Variants in USF1 observed in about 807,000 individuals in gnomAD.
The protein encoded by USF1 is upstream transcription factor 1.
Under a neutral mutation model 46.3 loss-of-function variants are expected in USF1, and 22 were observed. That is an observed-to-expected ratio of 0.47 (90% CI 0.34 to 0.68). The LOEUF is 0.68. Among genes scored for constraint, USF1 ranks in the 30% least tolerant of loss-of-function variants. The pLI is 0.01. For missense variants in USF1, 287 were observed against 399.3 expected, an observed-to-expected ratio of 0.72 and a Z score of 2.40; for synonymous variants, 150 against 147.0, an observed-to-expected ratio of 1.02 and a Z score of -0.15.
At chr1:161,041,469 G>C in intron 6 of USF1, 58 bp from the exon 7 acceptor site, 1 of 1,568,968 alleles carries the variant, frequency 6.4e-7, no homozygotes, top group Non-Finnish European at 8.7e-7. Context: ...ACCAAGCCCT[G>C]AGGTGAAGAC....
chr1:161,041,547 T>C, intron 6 of USF1, 104 bp downstream of exon 6: 1 of 1,495,612 alleles, frequency 6.7e-7, no homozygotes, highest in South Asian at 1.2e-5. Context: ...CCTGTCCAGG[T>C]CTTAATGATC....
rs1233156004 is a variant in USF1 at position 161,041,385 on chromosome 1, G to T, written c.499C>A (p.Gln167Lys). The change falls in exon 7 of 11, where the codon CAA (glutamine) becomes AAA (lysine). Residue 167 changes from glutamine (Q) to lysine (K), a missense_variant. Coordinates refer to ENST00000368021, the MANE Select transcript of USF1 (RefSeq NM_007122.5). ...TGQFFVMMSPQEVLQGGSQRS... is the reference protein window; with the variant it reads ...TGQFFVMMSPKEVLQGGSQRS... ...TGGCTTCCTCCCTGCAGTACTTCTTGTGGTGACATCATCACAAAGAATTGA... is the reference window on the plus strand; with the variant it reads ...TGGCTTCCTCCCTGCAGTACTTCTTTTGGTGACATCATCACAAAGAATTGA... The T allele has an allele frequency of 2.5e-6, 4 of 1,612,902 alleles. No homozygotes were observed. The highest frequency in any genetic ancestry group is 3.4e-6 in the Non-Finnish European group (4 of 1,179,608).
intron 1 of USF1, chr1:161,045,011 A>C (rs1009214665): frequency 3.0e-4 from 45 of 152,396 alleles, no homozygotes; most frequent in African/African-American, 1.1e-3. Context: ...GTACAGACGA[A>C]GTAACGCTGC....
In USF1 at chr1:161,041,953, G is replaced by A. The variant is rs1650583552; in HGVS notation, c.277-107C>T. 3 of 1,309,930 alleles carry A rather than the reference G, an allele frequency of 2.3e-6. No individual in the cohort carries two copies. The South Asian group carries it at 4.2e-5, about 18-fold the overall frequency. 81.1% of individuals were successfully genotyped at this position (1,309,930 alleles called of 1,614,324 possible). ...TGGGGTGGTAGGTAGGGTGGAGAGA[G>A]AGAGAGAGAGAGAGAGAAACATCCA... is the stretch of plus-strand genomic sequence containing the variant. On this transcript the variant is annotated intron_variant, in intron 5 of 10. Transcript: ENST00000368021.
chr1:161,042,868 G>A lies in USF1; in HGVS notation c.23C>T (p.Ala8Val). The A allele has an allele frequency of 1.2e-6, 2 of 1,614,176 alleles. No individual in the cohort carries two copies. The highest frequency in any genetic ancestry group is 1.7e-6 in the Non-Finnish European group (2 of 1,180,040). The change falls in exon 3 of 11, where the codon GCT becomes GTT. Residue 8 changes from alanine to valine, a missense_variant. Transcript: ENST00000368021. MKGQQKT[A>V]ETEEGTVQIQ... is the part of the protein sequence containing the mutation. ...CTGCACTGTCCCCTCTTCCGTTTCA[G>A]CTGTTTTCTGCTGCCTGTTTGTGGT...
rs1650451767 is a variant in USF1 at position 161,039,919 on chromosome 1, G to C, written c.*1C>G. The C allele has an allele frequency of 6.2e-7, 1 of 1,614,148 alleles. No homozygotes were observed. Among genetic ancestry groups the C allele is most frequent in the South Asian group, 1.1e-5 (1 of 91,082 alleles). ...GGCCCAAAGCCCCTGAATCCCCATAGTTAGTTGCTGTCATTCTTGATGACG... is the reference window on the plus strand; with the variant it reads ...GGCCCAAAGCCCCTGAATCCCCATACTTAGTTGCTGTCATTCTTGATGACG... On this transcript the variant is annotated 3_prime_UTR_variant, in exon 11 of 11. Coordinates refer to ENST00000368021, the MANE Select transcript of USF1 (RefSeq NM_007122.5).
In USF1 at chr1:161,040,437, A is replaced by G. The variant is rs944138616; in HGVS notation, c.715-107T>C. 18 of 1,574,724 alleles carry G rather than the reference A, an allele frequency of 1.1e-5. No homozygotes were observed. The highest frequency in any genetic ancestry group is 1.5e-5 in the Non-Finnish European group (17 of 1,157,434). The stretch of plus-strand genomic sequence containing the variant: ...CTCATTTTCATCTAAGGAAGGTGGT[A>G]TAATATCTCCCAGGGATACAGGAAC... On this transcript the variant is annotated intron_variant, in intron 9 of 10. Coordinates refer to ENST00000368021, the MANE Select transcript of USF1 (RefSeq NM_007122.5). This position sits in a 1 kb window ranked among gnomAD's most constrained non-coding sequence, Gnocchi z 4.0.
Position 161,039,888 on chromosome 1 carries a change from T to C in USF1, c.*32A>G. 1 of 1,611,968 alleles carries C rather than the reference T, an allele frequency of 6.2e-7. No homozygotes were observed. Among genetic ancestry groups the C allele is most frequent in the Non-Finnish European group, 8.5e-7 (1 of 1,178,426 alleles). On this transcript the variant is annotated 3_prime_UTR_variant, in exon 11 of 11. Transcript: ENST00000368021. ...GCTGTTGCTCCTGGGCTATCTGCAGTTCTTGGGCCCAAAGCCCCTGAATCC... is the reference window on the plus strand; with the variant it reads ...GCTGTTGCTCCTGGGCTATCTGCAGCTCTTGGGCCCAAAGCCCCTGAATCC...
At position 161,039,631 on chromosome 1, in the gene USF1, A is replaced by G; in HGVS notation, c.*289T>C. 1 of 408,226 alleles carries G rather than the reference A, an allele frequency of 2.4e-6. No homozygotes were observed. The highest frequency in any genetic ancestry group is 4.5e-6 in the Non-Finnish European group (1 of 221,476). The allele number at this position is 408,226 out of a possible 1,614,324, so 25.3% of individuals were successfully genotyped here. On this transcript the variant is annotated 3_prime_UTR_variant, in exon 11 of 11. Transcript: ENST00000368021. ...AAGCACAGGACAAGCCCCAGAGTTT[A>G]GTGTGTCCAGTATCCAGCATGGAGA...
chr1:161,045,036 C>T (rs535256178), intron 1 of USF1: 1 of 152,298 alleles, frequency 6.6e-6, no homozygotes, highest in South Asian at 2.1e-4. Flanking sequence ...AGATCCCAGT[C>T]GATAAGGGGA....
rs747360988 is a variant in USF1 at position 161,040,195 on chromosome 1, G to A, written c.843+7C>T. ...GAGAAGGGCTGCACTGGGGGTAGGA[G>A]TCTGACCTGTTGTCGAAGCACGTCA... On this transcript the variant is annotated splice_region_variant and intron_variant, in intron 10 of 10. Coordinates refer to ENST00000368021, the MANE Select transcript of USF1 (RefSeq NM_007122.5). The surrounding 1 kb of genome is among the most constrained non-coding windows in gnomAD (Gnocchi z 4.0). 1 of 1,613,926 alleles carries A rather than the reference G, an allele frequency of 6.2e-7. No individual in the cohort carries two copies. Among genetic ancestry groups the A allele is most frequent in the African/African-American group, 1.3e-5 (1 of 74,916 alleles).
At chr1:161,042,084 C>G in intron 5 of USF1, 32 bp downstream of exon 5, 1 of 1,583,458 alleles carries the variant, frequency 6.3e-7, no homozygotes, top group Non-Finnish European at 8.6e-7. Context: ...CTTCTCAGAA[C>G]TCTAGTGACC....
In USF1 at chr1:161,040,120, A is replaced by G; in HGVS notation, c.843+82T>C. On this transcript the variant is annotated intron_variant, in intron 10 of 10. Coordinates refer to ENST00000368021, the MANE Select transcript of USF1 (RefSeq NM_007122.5). The surrounding 1 kb of genome is among the most constrained non-coding windows in gnomAD (Gnocchi z 4.0). ...AGGGGGAAAAGATGAAGCCTTCTCC[A>G]TGGAGAACAAAGTAGAGGGTGTCAA... 3.1e-6 allele frequency: 5 copies of G among 1,610,068 alleles called. No homozygotes were observed. The highest frequency in any genetic ancestry group is 4.2e-6 in the Non-Finnish European group (5 of 1,177,184).
chr1:161,045,065 G>A (rs1650743140), intron 1 of USF1: 1 of 152,122 alleles, frequency 6.6e-6, no homozygotes, highest in Admixed American at 6.5e-5. Flanking sequence ...TAGTGTTTTG[G>A]GACCACCTAC....
intron 7 of USF1, among the ~76,000 whole-genome samples, chr1:161,041,107 C>T (rs1318593151): frequency 6.6e-6 from 1 of 151,662 alleles, no homozygotes; most frequent in Non-Finnish European, 1.5e-5. Flanking sequence ...ACTAAAGATA[C>T]AAAAATTAGC....
chr1:161,042,416 A>G, intron 4 of USF1, 139 bp downstream of exon 4: 1 of 1,039,958 alleles, frequency 9.6e-7, no homozygotes. Flanking sequence ...TCTCTACTCC[A>G]GTATTAGCAC....
rs140182467 is a variant in USF1, at chr1:161,041,667, C to T, written c.456G>A (p.Ala152=). The change falls in exon 6 of 11, where the codon GCG becomes GCA. Residue 152 remains alanine (A), a synonymous_variant. Transcript: ENST00000368021. ...ATATCTCACCAGTGCCAGGAGGGGTCGCCTGCCCCAGCAGTGCCTCTGAGC... is the reference window on the plus strand; with the variant it reads ...ATATCTCACCAGTGCCAGGAGGGGTTGCCTGCCCCAGCAGTGCCTCTGAGC... ...TQGSEALLGQ[A]TPPGTGQFFV... The T allele has an allele frequency of 5.6e-6, 9 of 1,609,492 alleles. No individual in the cohort carries two copies. The highest frequency in any genetic ancestry group is 1.3e-5 in the African/African-American group (1 of 74,902).
intron 1 of USF1, among the ~76,000 whole-genome samples, chr1:161,045,424 T>A (rs1057482597): frequency 6.6e-6 from 1 of 152,150 alleles, no homozygotes; most frequent in Non-Finnish European, 1.5e-5. Flanking sequence ...ACCTAGACCT[T>A]GCCTTAGAAT....
chr1:161,040,742 T>C lies in USF1; in HGVS notation c.619+72A>G. ...CAAGTCCCAGGGTAAAATTACCTAA[T>C]CCCTCCTCCCCTCAGACATCACTGC... On this transcript the variant is annotated intron_variant, in intron 8 of 10. Coordinates refer to ENST00000368021, the MANE Select transcript of USF1 (RefSeq NM_007122.5). The surrounding 1 kb of genome is among the most constrained non-coding windows in gnomAD (Gnocchi z 4.0). 1 of 1,613,106 alleles carries C rather than the reference T, an allele frequency of 6.2e-7. No homozygotes were observed. Among genetic ancestry groups the C allele is most frequent in the Non-Finnish European group, 8.5e-7 (1 of 1,179,708 alleles).
Sources: allele counts gnomAD v4.1 joint callset (sites outside exome capture counted in the v4.1 genomes callset), GRCh38; gene constraint gnomAD v4.1.1; non-coding constraint Gnocchi (gnomAD v3.1); transcripts MANE v1.5; gene names NCBI Gene and HGNC (gene_info 2026-07-23, HGNC 2026-07-21).